ZNF892: variants seen among roughly 807,000 people sequenced by gnomAD.
ZNF892 encodes the protein zinc finger protein 570-like.
At chr2:95,228,202 C>CT in the ZNF892 span, among the ~76,000 whole-genome samples, 5 of 152,316 alleles carry the variant, frequency 3.3e-5, no homozygotes, top group Admixed American at 6.5e-5. Context: ...CGTTTTCTGT[C>CT]TATTTCCTCA....
the ZNF892 span, among the ~76,000 whole-genome samples, chr2:95,234,018 A>T: frequency 4.6e-5 from 7 of 152,134 alleles, no homozygotes; most frequent in African/African-American, 1.7e-4. Flanking sequence ...TTTGTGAAAT[A>T]TGTGTGTCTT....
the ZNF892 span, among the ~76,000 whole-genome samples, chr2:95,249,543 G>A: frequency 6.6e-6 from 1 of 151,504 alleles, no homozygotes; most frequent in Non-Finnish European, 1.5e-5. Flanking sequence ...CACAGTGCCC[G>A]GCCTTGATTA....
chr2:95,234,296 T>C, the ZNF892 span, among the ~76,000 whole-genome samples: 1 of 152,234 alleles, frequency 6.6e-6, no homozygotes, highest in Admixed American at 6.5e-5. Context: ...GTGGTTATTA[T>C]GATTAGAAGA....
chr2:95,231,107 CAT>C, the ZNF892 span, among the ~76,000 whole-genome samples: 4 of 152,220 alleles, frequency 2.6e-5, no homozygotes, highest in African/African-American at 4.8e-5. Context: ...GAAATGAACA[CAT>C]ATGTTCACAA....
At chr2:95,243,791 A>G in the ZNF892 span, among the ~76,000 whole-genome samples, 3 of 136,458 alleles carry the variant, frequency 2.2e-5, no homozygotes, top group Non-Finnish European at 4.8e-5. Context: ...GGCCGCCCCT[A>G]CTGGGAAGTG....
the ZNF892 span, among the ~76,000 whole-genome samples, chr2:95,233,261 G>T: frequency 6.6e-6 from 1 of 151,154 alleles, no homozygotes; most frequent in South Asian, 2.1e-4. Context: ...GTGCAGTGGT[G>T]CAATTATAGC....
At chr2:95,212,089 A>T in the ZNF892 span, 1 of 397,156 alleles carries the variant, frequency 2.5e-6, no homozygotes, top group East Asian at 3.6e-5. Flanking sequence ...TGAGGAAGAA[A>T]TGGAGAACTG....
the ZNF892 span, among the ~76,000 whole-genome samples, chr2:95,253,823 G>A: frequency 1.3e-5 from 2 of 152,228 alleles, no homozygotes; most frequent in South Asian, 2.1e-4. Context: ...TGCATTCCTA[G>A]GTATTTTATT....
the ZNF892 span, among the ~76,000 whole-genome samples, chr2:95,237,428 C>T: frequency 6.6e-6 from 1 of 152,110 alleles, no homozygotes; most frequent in African/African-American, 2.4e-5. Flanking sequence ...CCATGAACCG[C>T]CATTAAGATG....
At chr2:95,228,829 C>T in the ZNF892 span, among the ~76,000 whole-genome samples, 1 of 151,976 alleles carries the variant, frequency 6.6e-6, no homozygotes, top group Non-Finnish European at 1.5e-5. Flanking sequence ...TTAAGGAAAA[C>T]TCAAGTTGGA....
chr2:95,250,104 T>C, the ZNF892 span, among the ~76,000 whole-genome samples: 1 of 152,142 alleles, frequency 6.6e-6, no homozygotes, highest in African/African-American at 2.4e-5. Context: ...TTAAAAATCA[T>C]GGAAGTAAGA....
At chr2:95,238,657 G>A in the ZNF892 span, among the ~76,000 whole-genome samples, 1 of 152,116 alleles carries the variant, frequency 6.6e-6, no homozygotes, top group Non-Finnish European at 1.5e-5. Flanking sequence ...GAAAGCCTCT[G>A]GAAAGGAGTC....
the ZNF892 span, among the ~76,000 whole-genome samples, chr2:95,254,461 T>C: frequency 6.6e-6 from 1 of 152,212 alleles, no homozygotes; most frequent in African/African-American, 2.4e-5. Context: ...AGCTTTTTGA[T>C]ATGCTGCTGG....
the ZNF892 span, among the ~76,000 whole-genome samples, chr2:95,243,822 A>G: frequency 1.3e-5 from 2 of 151,982 alleles, no homozygotes; most frequent in East Asian, 3.9e-4. Flanking sequence ...CTGCCCGGCC[A>G]CCACCCCGTC....
chr2:95,231,865 A>C, the ZNF892 span, among the ~76,000 whole-genome samples: 2 of 152,192 alleles, frequency 1.3e-5, no homozygotes, highest in Non-Finnish European at 2.9e-5. Flanking sequence ...GTCAGCTCTC[A>C]GGAGACCCTG....
chr2:95,221,029 TAAAG>T, the ZNF892 span, among the ~76,000 whole-genome samples: 442 of 152,316 alleles, frequency 2.9e-3, 1 homozygote, highest in Non-Finnish European at 5.1e-3. Flanking sequence ...ATCAACAAAA[TAAAG>T]AATGAAAATA....
chr2:95,229,075 T>C, the ZNF892 span, among the ~76,000 whole-genome samples: 1 of 152,146 alleles, frequency 6.6e-6, no homozygotes, highest in Admixed American at 6.5e-5. Context: ...CTTAATAGAT[T>C]GATTGATGTC....
chr2:95,233,946 C>T, the ZNF892 span, among the ~76,000 whole-genome samples: 9 of 152,350 alleles, frequency 5.9e-5, no homozygotes, highest in South Asian at 1.9e-3. Context: ...TCCCAAAGTG[C>T]TGGGATTACA....
the ZNF892 span, among the ~76,000 whole-genome samples, chr2:95,216,737 CTGTT>C: frequency 6.6e-6 from 1 of 151,972 alleles, no homozygotes; most frequent in Non-Finnish European, 1.5e-5. Context: ...TTAGTTTACC[CTGTT>C]TGGGGTTTGC....
Sources: allele counts gnomAD v4.1 joint callset (sites outside exome capture counted in the v4.1 genomes callset), GRCh38; gene constraint gnomAD v4.1.1; transcripts MANE v1.5; gene names NCBI Gene and HGNC (gene_info 2026-07-23, HGNC 2026-07-21).